TTC23L: variants seen among roughly 807,000 people sequenced by gnomAD.
TTC23L encodes the protein tetratricopeptide repeat protein 23-like.
In TTC23L, 42 loss-of-function variants were observed where a neutral mutation model predicts 48.1. The observed-to-expected ratio is 0.87, with a 90% CI of 0.68 to 1.13. The LOEUF is 1.13. Ranked by LOEUF, TTC23L falls within the 50% of genes most tolerant of loss-of-function variation. The probability of loss-of-function intolerance (pLI) is 0.00; values close to 1 mark genes in which losing one functional copy is unlikely to be tolerated. For synonymous variants in TTC23L, 159 were observed against 157.2 expected, an observed-to-expected ratio of 1.01 and a Z score of -0.09; for missense variants, 391 against 421.0, an observed-to-expected ratio of 0.93 and a Z score of 0.62.
chr5:34,909,181 AGT>A, the TTC23L span: 1 of 1,152,214 alleles, frequency 8.7e-7, no homozygotes, highest in Non-Finnish European at 1.3e-6. Flanking sequence ...ACAGATTGAA[AGT>A]GTTTTTATTT....
the TTC23L span, chr5:34,913,982 T>C: frequency 2.2e-6 from 1 of 456,960 alleles, no homozygotes; most frequent in African/African-American, 2.0e-5. Flanking sequence ...AGCCTCGGTC[T>C]CCTGAGCAGC....
chr5:34,850,114 C>A, intron 3 of TTC23L, 71 bp from the exon 4 acceptor site: 1 of 1,541,434 alleles, frequency 6.5e-7, no homozygotes, highest in Non-Finnish European at 8.9e-7. Context: ...GTCCTGTGTT[C>A]CAGTGATAAG....
chr5:34,889,520 C>T (rs1429255074), intron 9 of TTC23L, among the ~76,000 whole-genome samples: 1 of 152,162 alleles, frequency 6.6e-6, no homozygotes, highest in Non-Finnish European at 1.5e-5. Context: ...TATCCACACC[C>T]CCTTCAGTCA....
the TTC23L span, chr5:34,922,083 C>G: frequency 2.2e-6 from 1 of 464,452 alleles, no homozygotes; most frequent in Non-Finnish European, 3.8e-6. Context: ...TGAATAAATA[C>G]ATGTTTAGGC....
At chr5:34,858,427 ATAAT>A (rs1317954881) in intron 4 of TTC23L, among the ~76,000 whole-genome samples, 3 of 152,186 alleles carry the variant, frequency 2.0e-5, no homozygotes, top group Non-Finnish European at 4.4e-5. Context: ...TGCTATGAAA[ATAAT>A]TATCACAAGT....
the TTC23L span, chr5:34,916,139 T>A: frequency 2.4e-6 from 1 of 411,428 alleles, no homozygotes; most frequent in Non-Finnish European, 4.3e-6. Context: ...GGAAGCGACT[T>A]ACAGGGTGCT....
chr5:34,894,894 T>C (rs1018516309), intron 9 of TTC23L, among the ~76,000 whole-genome samples: 78 of 151,494 alleles, frequency 5.1e-4, no homozygotes, highest in African/African-American at 1.8e-3. Context: ...ATGATGATGA[T>C]GATGATGATG....
At chr5:34,913,589 A>G in the TTC23L span, 1 of 1,503,606 alleles carries the variant, frequency 6.7e-7, no homozygotes, top group Non-Finnish European at 9.1e-7. Context: ...CTATGAAAAG[A>G]GTAAAAATGA....
chr5:34,925,606 C>A, the TTC23L span: 1 of 886,336 alleles, frequency 1.1e-6, no homozygotes, highest in Non-Finnish European at 1.6e-6. Flanking sequence ...GTAGCATTTA[C>A]AAGAAAGAAA....
chr5:34,911,556 G>A, the TTC23L span: 1 of 1,614,060 alleles, frequency 6.2e-7, no homozygotes, highest in South Asian at 1.1e-5. Flanking sequence ...TCAAGTACCT[G>A]AAATAAGGCT....
chr5:34,872,117 C>CAAA (rs371443637), intron 8 of TTC23L, among the ~76,000 whole-genome samples: 4 of 128,776 alleles, frequency 3.1e-5, no homozygotes, highest in African/African-American at 3.0e-5. Context: ...ATCTCTACCA[C>CAAA]AAAAAAAAAA....
intron 9 of TTC23L, among the ~76,000 whole-genome samples, chr5:34,885,361 G>A (rs1265953858): frequency 6.6e-6 from 1 of 152,328 alleles, no homozygotes; most frequent in East Asian, 1.9e-4. Flanking sequence ...AGGAAACGCT[G>A]TTGTATTGAT....
chr5:34,902,025 A>G (rs1763522959), downstream of TTC23L, among the ~76,000 whole-genome samples: 1 of 152,194 alleles, frequency 6.6e-6, no homozygotes. Context: ...AATATTCCTT[A>G]CTTTCTTGTG....
chr5:34,895,207 T>C (rs1763134252), intron 9 of TTC23L, among the ~76,000 whole-genome samples: 1 of 152,230 alleles, frequency 6.6e-6, no homozygotes, highest in African/African-American at 2.4e-5. Context: ...CATTTAAAGT[T>C]AGACATATCT....
chr5:34,912,220 C>T, the TTC23L span, among the ~76,000 whole-genome samples: 4 of 152,228 alleles, frequency 2.6e-5, no homozygotes, highest in Admixed American at 1.3e-4. Flanking sequence ...GTCATCTGTA[C>T]TGTAACGTCA....
At chr5:34,916,102 G>A in the TTC23L span, 1 of 529,670 alleles carries the variant, frequency 1.9e-6, no homozygotes, top group South Asian at 3.7e-5. Flanking sequence ...GAGGCGGCGG[G>A]TTTTAAAACC....
the TTC23L span, chr5:34,911,600 T>A: frequency 6.2e-7 from 1 of 1,614,176 alleles, no homozygotes; most frequent in Non-Finnish European, 8.5e-7. Context: ...AGGACTTCAC[T>A]CGTCATATCC....
chr5:34,894,191 A>T (rs1011393131), intron 9 of TTC23L, among the ~76,000 whole-genome samples: 2 of 152,170 alleles, frequency 1.3e-5, no homozygotes, highest in Non-Finnish European at 2.9e-5. Context: ...CTTACACAAA[A>T]TATGTATTTA....
At chr5:34,918,549 A>T in the TTC23L span, 1 of 852,458 alleles carries the variant, frequency 1.2e-6, no homozygotes, top group African/African-American at 1.8e-5. Flanking sequence ...CTTATTTTAT[A>T]TATTCTTCAT....
Sources: allele counts gnomAD v4.1 joint callset (sites outside exome capture counted in the v4.1 genomes callset), GRCh38; gene constraint gnomAD v4.1.1; transcripts MANE v1.5; gene names NCBI Gene and HGNC (gene_info 2026-07-23, HGNC 2026-07-21).